Variants in ERP27 observed in about 807,000 individuals in gnomAD.
ERP27 encodes endoplasmic reticulum protein 27.
In ERP27, 23 loss-of-function variants were observed where a neutral mutation model predicts 27.7. That is an observed-to-expected ratio of 0.83 (90% CI 0.60 to 1.18). The LOEUF is 1.18. Among genes scored for constraint, ERP27 ranks in the 50% most tolerant of loss-of-function variants. ERP27 has a pLI of 0.00. For synonymous variants in ERP27, 159 were observed against 118.3 expected, an observed-to-expected ratio of 1.34 and a Z score of -2.23; for missense variants, 363 against 327.9, an observed-to-expected ratio of 1.11 and a Z score of -0.83.
At chr12:14,928,098 T>G (rs1333698471) in intron 3 of ERP27, among the ~76,000 whole-genome samples, 2 of 152,192 alleles carry the variant, frequency 1.3e-5, no homozygotes, top group Non-Finnish European at 2.9e-5. Flanking sequence ...TTTGCATCAC[T>G]TTTGAGATCC....
At chr12:14,928,125 T>C (rs540064593) in intron 3 of ERP27, among the ~76,000 whole-genome samples, 6 of 152,202 alleles carry the variant, frequency 3.9e-5, no homozygotes, top group Non-Finnish European at 8.8e-5. Flanking sequence ...CATCTGCTCT[T>C]GGACATCTCC....
rs1427849250 is a variant in ERP27 at position 14,937,886 on chromosome 12, G to A, written c.195+66C>T. ...CAGTGCCATCTGCCAGCAGCAGGTG[G>A]CTGCTGTGGTTCCCTTAAGGTAGAA... On this transcript the variant is annotated intron_variant, in intron 2 of 6. Transcript: ENST00000266397. 2.2e-6 allele frequency: 3 copies of A among 1,343,956 alleles called. No homozygotes were observed. The African/African-American group carries it at 4.3e-5, about 19-fold the overall frequency. 83.3% of individuals were successfully genotyped at this position (1,343,956 alleles called of 1,614,324 possible). A position where few individuals can be genotyped will look rare whatever the true frequency, so the allele number is the denominator to read the frequency against.
At position 14,914,760 on chromosome 12, in the gene ERP27, C is replaced by T. The variant is rs1395107718; in HGVS notation, c.797G>A (p.Gly266Glu). 1 of 1,613,546 alleles carries T rather than the reference C, an allele frequency of 6.2e-7. No homozygotes were observed. Among genetic ancestry groups the T allele is most frequent in the Admixed American group, 1.7e-5 (1 of 59,898 alleles). The change falls in exon 7 of 7, where the codon GGA becomes GAA. Residue 266 changes from glycine (G) to glutamate (E), a missense_variant. Gly to Glu is a moderately conservative substitution (Grantham distance 98). Coordinates refer to ENST00000266397, the MANE Select transcript of ERP27 (RefSeq NM_152321.4). Reference sequence around the variant, plus strand: ...TCAGAGTTCCACCTTTGGAGTCTTTCCTTCTGATTCACGATTTTCTTTCTG... The same window carrying T: ...TCAGAGTTCCACCTTTGGAGTCTTTTCTTCTGATTCACGATTTTCTTTCTG... Reference protein sequence around the residue: ...KLLKENRESEGKTPKVEL With the variant: ...KLLKENRESEEKTPKVEL
chr12:14,929,132 C>A, intron 3 of ERP27: 1 of 1,456,888 alleles, frequency 6.9e-7, no homozygotes, highest in South Asian at 1.4e-5. Context: ...GTGCATGGAT[C>A]AAGAATCCCC....
chr12:14,924,968 G>T (rs1210727103), intron 3 of ERP27, among the ~76,000 whole-genome samples: 1 of 152,214 alleles, frequency 6.6e-6, no homozygotes. Context: ...CAACTGCCAT[G>T]GCAATGTCAG....
chr12:14,918,532 C>T (rs923506671), intron 4 of ERP27, among the ~76,000 whole-genome samples: 4 of 152,132 alleles, frequency 2.6e-5, no homozygotes, highest in South Asian at 2.1e-4. Context: ...AATAATGCTG[C>T]GAGTCTACTT....
intron 3 of ERP27, among the ~76,000 whole-genome samples, chr12:14,926,897 G>T (rs976169208): frequency 2.0e-5 from 3 of 151,946 alleles, no homozygotes; most frequent in Admixed American, 2.0e-4. Flanking sequence ...CTTCTGTGTG[G>T]GTTTTCTTTC....
intron 1 of ERP27, 62 bp from the exon 2 acceptor site, chr12:14,938,114 A>C: frequency 7.4e-7 from 1 of 1,351,448 alleles, no homozygotes; most frequent in Admixed American, 1.7e-5. Flanking sequence ...CTAAATAATG[A>C]GGGCATCTAT....
In ERP27 at chr12:14,937,955, G is replaced by A; in HGVS notation, c.192C>T (p.Phe64=). The change falls in exon 2 of 7, where the codon TTC becomes TTT. Residue 64 remains phenylalanine (F), a synonymous_variant. Coordinates refer to ENST00000266397, the MANE Select transcript of ERP27 (RefSeq NM_152321.4). ...AATEVAVIGF[F]QDLEIPAVPI... is the part of the protein sequence containing the mutation. ...GAATTGCAAGTAGGGAACTAACCTG[G>A]AAGAAGCCTATGACAGCCACCTCAG... 6.2e-7 allele frequency: 1 copy of A among 1,613,842 alleles called. No homozygotes were observed. The highest frequency in any genetic ancestry group is 8.5e-7 in the Non-Finnish European group (1 of 1,179,810).
chr12:14,923,535 C>G (rs1364670874), intron 3 of ERP27, among the ~76,000 whole-genome samples: 1 of 151,288 alleles, frequency 6.6e-6, no homozygotes, highest in African/African-American at 2.4e-5. Flanking sequence ...ATCTATCTAT[C>G]TATATTACCT....
intron 3 of ERP27, among the ~76,000 whole-genome samples, chr12:14,934,632 TA>T (rs1477264969): frequency 6.6e-6 from 1 of 152,222 alleles, no homozygotes; most frequent in Non-Finnish European, 1.5e-5. Flanking sequence ...GACAAAGCAG[TA>T]CCACAAATTC....
chr12:14,927,744 GCACACACACACACACA>G lies in ERP27; in HGVS notation c.334-6712_334-6697del, dbSNP rs3084565. On this transcript the variant is annotated intron_variant, in intron 3 of 6. Transcript: ENST00000266397. ...TTTACTGGCTCTCTAATGCCTTCAG[GCACACACACACACACA>G]CACACACACACACACACTTACACAC... 2.7e-5 allele frequency among the ~76,000 whole-genome samples: 4 copies of G among 148,216 alleles called. 1 individual carries two copies. In the South Asian group the frequency reaches 6.5e-4, roughly 24 times the overall value.
intron 5 of ERP27, 49 bp downstream of exon 5, chr12:14,917,129 A>T: frequency 6.2e-7 from 1 of 1,601,356 alleles, no homozygotes. Context: ...CCCTTTTCCT[A>T]GTGTCCTGGA....
chr12:14,928,175 G>A (rs1863636101), intron 3 of ERP27, among the ~76,000 whole-genome samples: 1 of 152,158 alleles, frequency 6.6e-6, no homozygotes, highest in Admixed American at 6.5e-5. Context: ...TATAGGTCCT[G>A]CCCAATCAGA....
intron 6 of ERP27, among the ~76,000 whole-genome samples, chr12:14,915,264 A>G (rs559475950): frequency 1.3e-5 from 2 of 152,310 alleles, no homozygotes; most frequent in Non-Finnish European, 2.9e-5. Flanking sequence ...AACATTCAAA[A>G]TCTACTCTTC....
At chr12:14,924,615 T>C (rs1038755569) in intron 3 of ERP27, among the ~76,000 whole-genome samples, 25 of 152,154 alleles carry the variant, frequency 1.6e-4, no homozygotes, top group African/African-American at 5.6e-4. Context: ...CAGTTTTTAA[T>C]TAAAAAAATG....
intron 3 of ERP27, among the ~76,000 whole-genome samples, chr12:14,921,870 C>G (rs1048280798): frequency 8.6e-5 from 13 of 151,980 alleles, no homozygotes; most frequent in Non-Finnish European, 1.5e-5. Flanking sequence ...CTTAAAGATG[C>G]TTCTTTTAAT....
chr12:14,935,192 G>A, intron 2 of ERP27, 199 bp from the exon 3 acceptor site: 1 of 980,110 alleles, frequency 1.0e-6, no homozygotes. Context: ...TAAGTTAATA[G>A]GTAACCACGA....
At chr12:14,934,221 T>A (rs1863739553) in intron 3 of ERP27, among the ~76,000 whole-genome samples, 1 of 152,216 alleles carries the variant, frequency 6.6e-6, no homozygotes. Context: ...AACTTATCTA[T>A]CCTTCAAGTT....
Sources: gnomAD v4.1 joint callset for allele counts (sites outside exome capture counted in the v4.1 genomes callset) on GRCh38, gnomAD v4.1.1 for gene constraint, MANE v1.5 for transcripts, NCBI Gene and HGNC (gene_info 2026-07-23, HGNC 2026-07-21) for gene names.